The following OTOF variants were observed in gnomAD, a reference collection of about 807,000 sequenced individuals.
OTOF encodes the protein otoferlin, also known as fer-1-like family member 2.
OTOF carries 218 observed loss-of-function variants against 236.8 expected under a neutral mutation model. That is an observed-to-expected ratio of 0.92 (90% CI 0.82 to 1.03). The LOEUF (loss-of-function observed/expected upper bound fraction) is 1.03, where lower values mean the gene tolerates loss of function less well. Among genes scored for constraint, OTOF ranks in the 50% least tolerant of loss-of-function variants. The pLI, the probability that OTOF is intolerant of heterozygous loss-of-function variation, is 0.00. For synonymous variants in OTOF, 1,041 were observed against 1,072.5 expected (o/e 0.97, Z 0.57); for missense variants, 2,590 against 2,694.4 (o/e 0.96, Z 0.86).
intron 5 of OTOF, among the ~76,000 whole-genome samples, chr2:26,508,447 C>T (rs1259735584): frequency 1.3e-5 from 2 of 152,194 alleles, no homozygotes; most frequent in African/African-American, 2.4e-5. Context: ...TATACAAGAA[C>T]CACCCTGTCT....
At chr2:26,481,727 ACT>A (rs1665546067) in intron 14 of OTOF, among the ~76,000 whole-genome samples, 1 of 151,850 alleles carries the variant, frequency 6.6e-6, no homozygotes, top group African/African-American at 2.4e-5. Context: ...CTCAAAAGAA[ACT>A]CTGCACCTAT....
intron 10 of OTOF, 112 bp downstream of exon 10, chr2:26,489,566 C>A: frequency 1.1e-6 from 1 of 905,482 alleles, no homozygotes. Context: ...TGTGTCCAGG[C>A]ACGGCGCTGC....
intron 1 of OTOF, among the ~76,000 whole-genome samples, chr2:26,554,719 C>G (rs1417497917): frequency 6.8e-6 from 1 of 147,462 alleles, no homozygotes; most frequent in South Asian, 2.2e-4. Context: ...GGTGTGGTAT[C>G]TTTTGGGAAT....
At chr2:26,509,641 A>G (rs545157895) in intron 5 of OTOF, among the ~76,000 whole-genome samples, 1 of 152,268 alleles carries the variant, frequency 6.6e-6, no homozygotes, top group African/African-American at 2.4e-5. Context: ...TATTTCCATG[A>G]TATCTTCAGA....
chr2:26,500,312 C>T (rs1391510705), intron 8 of OTOF, among the ~76,000 whole-genome samples: 1 of 152,194 alleles, frequency 6.6e-6, no homozygotes, highest in Admixed American at 6.5e-5. Context: ...ACATATATAG[C>T]TCCTAGCACA....
intron 14 of OTOF, among the ~76,000 whole-genome samples, chr2:26,481,980 G>C (rs1665551788): frequency 6.6e-6 from 1 of 151,882 alleles, no homozygotes; most frequent in Admixed American, 6.6e-5. Flanking sequence ...CACAGGGCAG[G>C]GATCCTAGGA....
In OTOF at chr2:26,461,616, C is replaced by T. The variant is rs1341309933; in HGVS notation, c.5533+80G>A. ...GACCCCTTGTCCCCCCAAGGCAGGGCTCTCCCTGTCCCCGCCAACCCGGCC... is the reference window on the plus strand; with the variant it reads ...GACCCCTTGTCCCCCCAAGGCAGGGTTCTCCCTGTCCCCGCCAACCCGGCC... On this transcript the variant is annotated intron_variant, in intron 43 of 46. Transcript: ENST00000272371. The surrounding 1 kb of genome is among the most constrained non-coding windows in gnomAD (Gnocchi z 6.2). The T allele has an allele frequency of 4.4e-6, 7 of 1,578,394 alleles. No individual in the cohort carries two copies. Among genetic ancestry groups the T allele is most frequent in the Non-Finnish European group, 6.0e-6 (7 of 1,158,048 alleles).
At chr2:26,535,635 G>A (rs924957227) in intron 2 of OTOF, among the ~76,000 whole-genome samples, 2 of 152,120 alleles carry the variant, frequency 1.3e-5, no homozygotes, top group Non-Finnish European at 2.9e-5. Flanking sequence ...TTCCATAACT[G>A]CTTCTGCCCT....
chr2:26,490,029 G>C (rs900367449), intron 9 of OTOF, among the ~76,000 whole-genome samples: 2 of 152,224 alleles, frequency 1.3e-5, no homozygotes, highest in Non-Finnish European at 2.9e-5. Flanking sequence ...ACTGTGCTCA[G>C]AAGAGGCACA....
intron 22 of OTOF, 123 bp downstream of exon 22, chr2:26,476,768 G>T: frequency 1.5e-6 from 1 of 648,614 alleles, no homozygotes; most frequent in Non-Finnish European, 2.7e-6. Context: ...CCCATTCTTG[G>T]CTCTTCTCTG....
At chr2:26,533,278 G>A (rs1004165150) in intron 2 of OTOF, among the ~76,000 whole-genome samples, 10 of 152,164 alleles carry the variant, frequency 6.6e-5, no homozygotes, top group Non-Finnish European at 1.2e-4. Flanking sequence ...TGTCTTCCAC[G>A]AAACCAGCCC....
intron 5 of OTOF, among the ~76,000 whole-genome samples, chr2:26,513,111 T>C (rs965338570): frequency 3.3e-5 from 5 of 151,928 alleles, no homozygotes; most frequent in African/African-American, 9.7e-5. Context: ...GGTGGAATCG[T>C]TGGGGCAGAG....
intron 11 of OTOF, 101 bp from the exon 12 acceptor site, chr2:26,484,734 G>C: frequency 2.5e-6 from 3 of 1,220,858 alleles, no homozygotes; most frequent in Non-Finnish European, 3.5e-6. Flanking sequence ...ATGCTGTCTT[G>C]GTCCCTAGAG....
intron 8 of OTOF, among the ~76,000 whole-genome samples, chr2:26,497,969 T>A (rs1386864629): frequency 1.3e-5 from 2 of 152,204 alleles, no homozygotes; most frequent in Non-Finnish European, 2.9e-5. Context: ...TTTCCACAAC[T>A]AATGCCCCCA....
Position 26,461,140 on chromosome 2 carries a change from A to G in OTOF, c.5534-110T>C. The G allele has an allele frequency of 1.1e-6, 1 of 925,000 alleles. No individual in the cohort carries two copies. Among genetic ancestry groups the G allele is most frequent in the Non-Finnish European group, 1.7e-6 (1 of 593,714 alleles). 57.3% of individuals were successfully genotyped at this position (925,000 alleles called of 1,614,324 possible). On this transcript the variant is annotated intron_variant, in intron 43 of 46. Coordinates refer to ENST00000272371, the MANE Select transcript of OTOF (RefSeq NM_194248.3). This position sits in a 1 kb window ranked among gnomAD's most constrained non-coding sequence, Gnocchi z 6.2. The stretch of plus-strand genomic sequence containing the variant: ...TGTTTGCTGAGTGCAGACCTCCCTG[A>G]GCCCACATCTCATCCTCCTGCCTCA...
intron 15 of OTOF, 116 bp from the exon 16 acceptor site, chr2:26,480,427 C>A: frequency 1.3e-6 from 1 of 747,940 alleles, no homozygotes; most frequent in Non-Finnish European, 2.4e-6. Context: ...GGCATCCCAC[C>A]CGGCTTTGGG....
intron 1 of OTOF, among the ~76,000 whole-genome samples, chr2:26,557,104 T>C (rs1276346442): frequency 6.6e-6 from 1 of 152,130 alleles, no homozygotes; most frequent in African/African-American, 2.4e-5. Flanking sequence ...CCCCTGCCTG[T>C]CCCTATGAAC....
intron 9 of OTOF, among the ~76,000 whole-genome samples, chr2:26,494,533 A>G (rs528599018): frequency 8.5e-5 from 13 of 152,188 alleles, no homozygotes; most frequent in Admixed American, 4.6e-4. Flanking sequence ...ATTTAGGAGC[A>G]TGCCTGGCTG....
At chr2:26,532,323 T>C (rs1332594236) in intron 2 of OTOF, among the ~76,000 whole-genome samples, 4 of 152,120 alleles carry the variant, frequency 2.6e-5, no homozygotes, top group African/African-American at 9.7e-5. Flanking sequence ...TCAGGATGCT[T>C]AGTCTGGAGT....
Sources: allele counts gnomAD v4.1 joint callset (sites outside exome capture counted in the v4.1 genomes callset), GRCh38; gene constraint gnomAD v4.1.1; non-coding constraint Gnocchi (gnomAD v3.1); transcripts MANE v1.5; gene names NCBI Gene and HGNC (gene_info 2026-07-23, HGNC 2026-07-21).